Variants in SEZ6 observed in about 807,000 individuals in gnomAD.
SEZ6 encodes seizure related 6 homolog, also known as seizure protein 6 homolog.
Under a neutral mutation model 101.0 loss-of-function variants are expected in SEZ6, and 53 were observed. The observed-to-expected ratio is 0.52, with a 90% CI of 0.42 to 0.66. The LOEUF is 0.66. Ranked by LOEUF, SEZ6 falls within the 30% of genes least tolerant of loss-of-function variation. The pLI is 0.00. For synonymous variants in SEZ6, 488 were observed against 512.2 expected (o/e 0.95, Z 0.64); for missense variants, 1,102 against 1,289.4 (o/e 0.85, Z 2.23).
chr17:29,003,197 C>T (rs958952244), intron 1 of SEZ6, among the ~76,000 whole-genome samples: 1 of 152,246 alleles, frequency 6.6e-6, no homozygotes, highest in African/African-American at 2.4e-5. Context: ...ACTGACACAG[C>T]AGGCTCGGCA....
chr17:28,956,173 T>C lies in SEZ6; in HGVS notation c.2938A>G (p.Thr980Ala). 1 of 1,448,062 alleles carries C rather than the reference T, an allele frequency of 6.9e-7. No homozygotes were observed. The highest frequency in any genetic ancestry group is 9.3e-7 in the Non-Finnish European group (1 of 1,080,728). 89.7% of individuals were successfully genotyped at this position (1,448,062 alleles called of 1,614,324 possible). Reference protein sequence around the residue: ...ITIESAFDNPTYETGSLSFAG... With the variant: ...ITIESAFDNPAYETGSLSFAG... ...TGGTTACTTACTCCAGTCTCGTAAG[T>C]TGGATTGTCAAACGCTGACTCTATG... Residue 980 changes from threonine (T) to alanine (A), a missense_variant, in exon 16 of 17, where the codon ACT (threonine) becomes GCT (alanine). Transcript: ENST00000317338.
At chr17:29,004,727 C>A (rs1413704842) in intron 1 of SEZ6, among the ~76,000 whole-genome samples, 1 of 152,188 alleles carries the variant, frequency 6.6e-6, no homozygotes, top group East Asian at 1.9e-4. Flanking sequence ...CAGGTCTCAA[C>A]TCCAAGTGCG....
chr17:28,990,338 G>A (rs756135868), intron 1 of SEZ6, among the ~76,000 whole-genome samples: 15 of 151,724 alleles, frequency 9.9e-5, no homozygotes, highest in African/African-American at 2.4e-5. Flanking sequence ...GTCTTGGCTT[G>A]CTGCAGCCTT....
chr17:28,981,800 G>A lies in SEZ6; in HGVS notation c.295C>T (p.Pro99Ser), dbSNP rs1314251256. ...RPALPFQPDP[P>S]APFTPSPLPR... The stretch of plus-strand genomic sequence containing the variant: ...AGGGGACTTGGGGTGAAGGGTGCAG[G>A]TGGGTCAGGCTGGAAGGGCAGTGCT... The change falls in exon 2 of 17, where the codon CCT (proline) becomes TCT (serine). Residue 99 changes from proline (P) to serine (S), a missense_variant. By Grantham distance (74) the Pro-to-Ser change is moderately conservative. Transcript: ENST00000317338. 6.2e-7 allele frequency: 1 copy of A among 1,613,928 alleles called. No individual in the cohort carries two copies. Among genetic ancestry groups the A allele is most frequent in the Non-Finnish European group, 8.5e-7 (1 of 1,179,858 alleles).
At chr17:28,961,319 T>C (rs2040974758) in intron 5 of SEZ6, among the ~76,000 whole-genome samples, 1 of 152,092 alleles carries the variant, frequency 6.6e-6, no homozygotes, top group African/African-American at 2.4e-5. Context: ...TCTCCCTAGG[T>C]AGACTTTACT....
At position 28,959,879 on chromosome 17, in the gene SEZ6, G is replaced by A; in HGVS notation, c.1590C>T (p.Gly530=). Residue 530 remains glycine (G), a synonymous_variant, in exon 8 of 17, where the codon GGC becomes GGT. Coordinates refer to ENST00000317338, the MANE Select transcript of SEZ6 (RefSeq NM_178860.5). The surrounding 1 kb of genome is among the most constrained non-coding windows in gnomAD (Gnocchi z 4.4). ...ATTTGACAAAGGGCTCATAGCAATGGCCCTGCTGGAAGGCTGTAAACCACA... is the reference window on the plus strand; with the variant it reads ...ATTTGACAAAGGGCTCATAGCAATGACCCTGCTGGAAGGCTGTAAACCACA... ...MALRYEAFQQ[G]HCYEPFVKYG... 2 of 1,609,918 alleles carry A rather than the reference G, an allele frequency of 1.2e-6. No individual in the cohort carries two copies. The highest frequency in any genetic ancestry group is 1.7e-6 in the Non-Finnish European group (2 of 1,178,152).
chr17:28,962,116 A>G (rs1056409365), intron 5 of SEZ6, among the ~76,000 whole-genome samples: 1 of 152,194 alleles, frequency 6.6e-6, no homozygotes, highest in Non-Finnish European at 1.5e-5. Context: ...CTCTAGACTC[A>G]GCTTCAGTCC....
At chr17:28,963,118 C>T (rs1438285564) in intron 5 of SEZ6, among the ~76,000 whole-genome samples, 9 of 142,764 alleles carry the variant, frequency 6.3e-5, no homozygotes, top group African/African-American at 1.4e-4. Flanking sequence ...AGCGAGACTC[C>T]GTCTCGAAGA....
In SEZ6 at chr17:28,982,017, G is replaced by T. The variant is rs779919080; in HGVS notation, c.78C>A (p.Thr26=). 4 of 1,603,822 alleles carry T rather than the reference G, an allele frequency of 2.5e-6. No individual in the cohort carries two copies. Among genetic ancestry groups the T allele is most frequent in the Non-Finnish European group, 3.4e-6 (4 of 1,174,860 alleles). ...TGCCTGGGGCTTGTCCTTTCCCCAC[G>T]GTTGGGGCCTCTAAAGAGAGTCCTG... ...LAHGLSLEAP[T]VGKGQAPGIE... is the part of the protein sequence containing the mutation. The change falls in exon 2 of 17, where the codon ACC becomes ACA. Residue 26 remains threonine (T), a synonymous_variant. Coordinates refer to ENST00000317338, the MANE Select transcript of SEZ6 (RefSeq NM_178860.5).
In SEZ6 at chr17:29,005,952, C is replaced by A. The variant is rs2041684948; in HGVS notation, c.-83G>T. On this transcript the variant is annotated 5_prime_UTR_variant, in exon 1 of 17. Coordinates refer to ENST00000317338, the MANE Select transcript of SEZ6 (RefSeq NM_178860.5). The surrounding 1 kb of genome is among the most constrained non-coding windows in gnomAD (Gnocchi z 4.8). ...GTGGGGCTTGGGCGCGGGGGCAGAG[C>A]CGGGTCCGGCCGGGTAGAGGGAGCG... The A allele has an allele frequency of 2.5e-6, 3 of 1,187,814 alleles. No individual in the cohort carries two copies. Among genetic ancestry groups the A allele is most frequent in the African/African-American group, 3.2e-5 (2 of 62,058 alleles). 73.6% of individuals were successfully genotyped at this position (1,187,814 alleles called of 1,614,324 possible).
At position 28,957,505 on chromosome 17, in the gene SEZ6, G is replaced by T; in HGVS notation, c.2337C>A (p.His779Gln). 6.2e-7 allele frequency: 1 copy of T among 1,613,902 alleles called. No individual in the cohort carries two copies. The highest frequency in any genetic ancestry group is 8.5e-7 in the Non-Finnish European group (1 of 1,179,862). ...TSCHDPGDVE[H>Q]SRRLISSPKF... ...TGGGGCTGGATATGAGGCGTCGGCT[G>T]TGCTCCACATCTCCAGGATCGTGGC... is the stretch of plus-strand genomic sequence containing the variant. The change falls in exon 12 of 17, where the codon CAC becomes CAA. Residue 779 changes from histidine (H) to glutamine (Q), a missense_variant. By Grantham distance (24) the His-to-Gln change is conservative. Around this residue, in one of 3 missense-constraint regions of SEZ6, gnomAD observed 556 missense variants for 735.1 expected, o/e 0.76. Coordinates refer to ENST00000317338, the MANE Select transcript of SEZ6 (RefSeq NM_178860.5).
upstream of SEZ6, chr17:29,006,157 C>T (rs923060747): frequency 4.3e-5 from 11 of 255,006 alleles, no homozygotes; most frequent in Non-Finnish European, 6.7e-5. Flanking sequence ...AGCCCAGGCT[C>T]CCGCTCCACC....
In SEZ6 at chr17:28,969,915, G is replaced by A; in HGVS notation, c.896C>T (p.Thr299Ile). The A allele has an allele frequency of 6.5e-7, 1 of 1,546,872 alleles. No individual in the cohort carries two copies. The highest frequency in any genetic ancestry group is 1.2e-5 in the South Asian group (1 of 80,958). Residue 299 changes from threonine to isoleucine, a missense_variant, in exon 4 of 17, where the codon ACT becomes ATT. Coordinates refer to ENST00000317338, the MANE Select transcript of SEZ6 (RefSeq NM_178860.5). The stretch of plus-strand genomic sequence containing the variant: ...GTCAGGCCCCCCCAGGCCTTCCACA[G>A]TCACTGTCTCCCCTTCCCGGAGGCT... ...NISLREGETV[T>I]VEGLGGPDPL...
Position 28,960,282 on chromosome 17 carries a change from A to G in SEZ6, c.1576+223T>C, listed in dbSNP as rs1040064518. On this transcript the variant is annotated intron_variant, in intron 7 of 16. Transcript: ENST00000317338. ...TCTGGAGAATTTATTCCCTTGGACC[A>G]TAGGGCCTGGGTCCAGGCAGAGGTT... The G allele has an allele frequency of 7.9e-6, 5 of 636,614 alleles. No homozygotes were observed. The African/African-American group carries it at 9.2e-5, about 12-fold the overall frequency. 39.4% of individuals were successfully genotyped at this position (636,614 alleles called of 1,614,324 possible).
At chr17:29,004,840 T>C (rs1488231072) in intron 1 of SEZ6, among the ~76,000 whole-genome samples, 2 of 152,056 alleles carry the variant, frequency 1.3e-5, no homozygotes, top group Non-Finnish European at 2.9e-5. Flanking sequence ...CAGACAAGAC[T>C]CTTCCCCGAG....
In SEZ6 at chr17:28,982,750, G is replaced by A. The variant is rs557894805; in HGVS notation, c.56-711C>T. On this transcript the variant is annotated intron_variant, in intron 1 of 16. Coordinates refer to ENST00000317338, the MANE Select transcript of SEZ6 (RefSeq NM_178860.5). ...CTCCACTGCAGCCTCAACCTCCCAG[G>A]TTCAAGCGATCCTCCCACCTCAGCC... Among the ~76,000 whole-genome samples the A allele has an allele frequency of 1.1e-3, 163 of 152,166 alleles. 1 individual carries two copies. The highest frequency in any genetic ancestry group is 3.8e-3 in the African/African-American group (159 of 41,488).
At chr17:28,960,729 C>T (rs2040964760) in intron 6 of SEZ6, 58 bp from the exon 7 acceptor site, 14 of 1,611,730 alleles carry the variant, frequency 8.7e-6, no homozygotes, top group African/African-American at 1.3e-5. Flanking sequence ...GGGGTGTGGC[C>T]CCAGGCTTGG....
intron 4 of SEZ6, among the ~76,000 whole-genome samples, chr17:28,965,277 G>A (rs972536475): frequency 3.9e-5 from 6 of 152,158 alleles, no homozygotes; most frequent in African/African-American, 9.7e-5. Context: ...GCTTGAACCC[G>A]GCAGGTGGAG....
chr17:28,983,224 G>A (rs1159338529), intron 1 of SEZ6, among the ~76,000 whole-genome samples: 3 of 152,168 alleles, frequency 2.0e-5, no homozygotes, highest in Non-Finnish European at 4.4e-5. Context: ...TTCCTTTTTA[G>A]GATTGACTGA....
Sources: gnomAD v4.1 joint callset for allele counts (sites outside exome capture counted in the v4.1 genomes callset) on GRCh38, gnomAD v4.1.1 for gene constraint, gnomAD v4.1.1 regional missense constraint, Gnocchi (gnomAD v3.1) non-coding constraint, MANE v1.5 for transcripts, NCBI Gene and HGNC (gene_info 2026-07-23, HGNC 2026-07-21) for gene names.